CYTH4: variants seen among roughly 807,000 people sequenced by gnomAD.
CYTH4 encodes cytohesin 4.
CYTH4 carries 22 observed loss-of-function variants against 57.5 expected under a neutral mutation model. The ratio of observed to expected loss-of-function variants is 0.38; its 90% CI spans 0.27 to 0.55. The LOEUF is 0.55. CYTH4 is among the 20% of genes least tolerant of loss of function. The pLI, the probability that CYTH4 is intolerant of heterozygous loss-of-function variation, is 0.74. For synonymous variants in CYTH4, 186 were observed against 206.5 expected, an observed-to-expected ratio of 0.90 and a Z score of 0.85; for missense variants, 420 against 535.6, an observed-to-expected ratio of 0.78 and a Z score of 2.13.
intron 4 of CYTH4, among the ~76,000 whole-genome samples, chr22:37,296,928 T>C (rs1188720561): frequency 6.6e-6 from 1 of 152,140 alleles, no homozygotes; most frequent in African/African-American, 2.4e-5. Context: ...CTCCAACTCC[T>C]AAAACTAGGA....
At chr22:37,289,596 G>C (rs1928677645) in intron 1 of CYTH4, among the ~76,000 whole-genome samples, 1 of 152,346 alleles carries the variant, frequency 6.6e-6, no homozygotes, top group East Asian at 1.9e-4. Context: ...GGTGACATGA[G>C]GATCTGGGCC....
At chr22:37,286,792 G>C (rs1246592046) in intron 1 of CYTH4, among the ~76,000 whole-genome samples, 1 of 152,130 alleles carries the variant, frequency 6.6e-6, no homozygotes, top group Non-Finnish European at 1.5e-5. Flanking sequence ...GCATGGAGGG[G>C]ATACACCAGC....
chr22:37,303,847 C>T (rs1392464576), intron 8 of CYTH4, among the ~76,000 whole-genome samples: 1 of 152,214 alleles, frequency 6.6e-6, no homozygotes, highest in African/African-American at 2.4e-5. Context: ...CCACAAGGCC[C>T]TACTTGAGCT....
intron 8 of CYTH4, among the ~76,000 whole-genome samples, chr22:37,308,568 A>C (rs933995907): frequency 6.7e-6 from 1 of 149,942 alleles, no homozygotes; most frequent in African/African-American, 2.5e-5. Context: ...GTGTGTATAC[A>C]TGTATGTGTG....
chr22:37,297,424 C>T, intron 4 of CYTH4, 140 bp from the exon 5 acceptor site: 1 of 662,616 alleles, frequency 1.5e-6, no homozygotes, highest in Non-Finnish European at 2.5e-6. Context: ...AAAGAGGGGT[C>T]AAAACTTCCC....
intron 5 of CYTH4, 108 bp from the exon 6 acceptor site, chr22:37,299,118 A>C: frequency 1.3e-6 from 1 of 773,450 alleles, no homozygotes; most frequent in Non-Finnish European, 2.3e-6. Flanking sequence ...GGACCCCAGA[A>C]GGACAGATGT....
intron 1 of CYTH4, among the ~76,000 whole-genome samples, chr22:37,289,612 T>C (rs1195540252): frequency 6.6e-6 from 1 of 152,200 alleles, no homozygotes; most frequent in African/African-American, 2.4e-5. Context: ...GGGCCACCTA[T>C]CCCTGGAGCC....
chr22:37,287,447 AG>A (rs1248692590), intron 1 of CYTH4, among the ~76,000 whole-genome samples: 1 of 152,244 alleles, frequency 6.6e-6, no homozygotes, highest in East Asian at 1.9e-4. Flanking sequence ...CCAAGCCAAC[AG>A]GAAAACTGTA....
At chr22:37,288,808 C>T (rs897255989) in intron 1 of CYTH4, among the ~76,000 whole-genome samples, 17 of 152,246 alleles carry the variant, frequency 1.1e-4, no homozygotes, top group Non-Finnish European at 2.4e-4. Context: ...TTCTCAAGAC[C>T]GCCCCATGGC....
At chr22:37,300,016 T>C (rs934746077) in intron 6 of CYTH4, 2 of 715,682 alleles carry the variant, frequency 2.8e-6, no homozygotes, top group African/African-American at 3.5e-5. Flanking sequence ...AACCTTCCTG[T>C]GCCCCAGTTT....
chr22:37,309,026 C>G (rs1355858174), intron 8 of CYTH4, among the ~76,000 whole-genome samples, 186 bp from the exon 9 acceptor site: 1 of 152,088 alleles, frequency 6.6e-6, no homozygotes, highest in Non-Finnish European at 1.5e-5. Context: ...AGACCAGGCC[C>G]AGGCTGAATG....
chr22:37,313,323 C>A (rs909937057), intron 12 of CYTH4, 116 bp from the exon 13 acceptor site: 4 of 1,024,122 alleles, frequency 3.9e-6, no homozygotes, highest in East Asian at 2.4e-5. Context: ...CTTTCCCCCG[C>A]GGCAGAGCAG....
rs906517479 is a variant in CYTH4, at chr22:37,312,163, C to A, written c.1101C>A (p.Ile367=). The part of the protein sequence containing the change: ...ATSAEERDQW[I]ESIRASITRV... ...GTGCCGAGGAACGTGACCAGTGGATCGAGTCCATCCGGTAAGGGGTGCCCA... is the reference window on the plus strand; with the variant it reads ...GTGCCGAGGAACGTGACCAGTGGATAGAGTCCATCCGGTAAGGGGTGCCCA... The change falls in exon 12 of 13, where the codon ATC becomes ATA. Residue 367 remains isoleucine (I), a synonymous_variant. Transcript: ENST00000248901. The A allele has an allele frequency of 5.6e-6, 9 of 1,613,976 alleles. No homozygotes were observed. The highest frequency in any genetic ancestry group is 6.8e-6 in the Non-Finnish European group (8 of 1,179,922).
chr22:37,301,682 C>CTTT (rs71798839), intron 7 of CYTH4, among the ~76,000 whole-genome samples: 14 of 50,412 alleles, frequency 2.8e-4, no homozygotes, highest in African/African-American at 8.2e-4. Flanking sequence ...CCACTCAATC[C>CTTT]TTTTTTTTTT....
At chr22:37,294,448 A>G (rs1276488258) in intron 2 of CYTH4, among the ~76,000 whole-genome samples, 2 of 151,946 alleles carry the variant, frequency 1.3e-5, no homozygotes, top group East Asian at 3.9e-4. Context: ...CAGAGGTGAT[A>G]GTTTAGCATG....
At position 37,282,599 on chromosome 22, in the gene CYTH4, G is replaced by C. The variant is rs183163426; in HGVS notation, c.19+11G>C. 6.2e-7 allele frequency: 1 copy of C among 1,609,836 alleles called. No individual in the cohort carries two copies. The highest frequency in any genetic ancestry group is 1.3e-5 in the African/African-American group (1 of 74,960). ...ACCTGTGCCACCCAGGTAAGCAACT[G>C]CCGTCAACCTCTCTGGGCCTCAGGG... is the stretch of plus-strand genomic sequence containing the variant. On this transcript the variant is annotated intron_variant, in intron 1 of 12. Coordinates refer to ENST00000248901, the MANE Select transcript of CYTH4 (RefSeq NM_013385.5).
chr22:37,290,868 C>T lies in CYTH4; in HGVS notation c.20-1753C>T, dbSNP rs976379204. Among the ~76,000 whole-genome samples, 112 of 152,296 alleles carry T rather than the reference C, an allele frequency of 7.4e-4. 1 individual carries two copies. Among genetic ancestry groups the T allele is most frequent in the Non-Finnish European group, 1.2e-4 (8 of 68,030 alleles). On this transcript the variant is annotated intron_variant, in intron 1 of 12. Transcript: ENST00000248901. ...TCAGGGGAACTCCTGGGCGTGGCAC[C>T]TCCCTTTGGCTGAGGCTAGTGTCTG...
At chr22:37,296,425 T>A in intron 4 of CYTH4, 1 of 251,498 alleles carries the variant, frequency 4.0e-6, no homozygotes, top group Non-Finnish European at 7.8e-6. Flanking sequence ...CTTCCAGCCC[T>A]GGGCTCAGGG....
intron 9 of CYTH4, 22 bp downstream of exon 9, chr22:37,309,345 G>A (rs774452887): frequency 5.0e-6 from 8 of 1,598,596 alleles, no homozygotes; most frequent in Middle Eastern, 1.7e-4. Flanking sequence ...ACAGACACAC[G>A]TCGTCGCACA....
Sources: allele counts gnomAD v4.1 joint callset (sites outside exome capture counted in the v4.1 genomes callset), GRCh38; gene constraint gnomAD v4.1.1; transcripts MANE v1.5; gene names NCBI Gene and HGNC (gene_info 2026-07-23, HGNC 2026-07-21).